LEKR1: variants seen among roughly 807,000 people sequenced by gnomAD.
LEKR1 encodes the protein protein LEKR1.
Under a neutral mutation model 72.4 loss-of-function variants are expected in LEKR1, and 59 were observed. The ratio of observed to expected loss-of-function variants is 0.82; its 90% CI spans 0.66 to 1.01. The LOEUF is 1.01. Among genes scored for constraint, LEKR1 ranks in the 50% least tolerant of loss-of-function variants. LEKR1 has a pLI of 0.00. For missense variants in LEKR1, 728 were observed against 759.2 expected, an observed-to-expected ratio of 0.96 and a Z score of 0.48; for synonymous variants, 257 against 263.2, an observed-to-expected ratio of 0.98 and a Z score of 0.23.
At chr3:156,890,185 T>G (rs935597027) in intron 3 of LEKR1, among the ~76,000 whole-genome samples, 26 of 152,362 alleles carry the variant, frequency 1.7e-4, no homozygotes, top group Admixed American at 1.6e-3. Flanking sequence ...ATTATTTGTA[T>G]AAAAGTTTTC....
chr3:156,844,489 T>A (rs1714324335), intron 2 of LEKR1, among the ~76,000 whole-genome samples: 1 of 152,150 alleles, frequency 6.6e-6, no homozygotes, highest in South Asian at 2.1e-4. Context: ...CATGTTGTCC[T>A]TTTATCACCA....
intron 3 of LEKR1, among the ~76,000 whole-genome samples, chr3:156,894,474 G>A (rs75683041): frequency 0.032 from 4,844 of 152,218 alleles, 117 homozygotes; most frequent in Non-Finnish European, 0.047. Flanking sequence ...GCATAGTGCT[G>A]TAGTCTGAAT....
chr3:157,044,829 G>T (rs747099785), intron 12 of LEKR1, among the ~76,000 whole-genome samples: 1 of 152,040 alleles, frequency 6.6e-6, no homozygotes, highest in Non-Finnish European at 1.5e-5. Flanking sequence ...TTGTTTCAAC[G>T]CTATAGCTGA....
chr3:156,946,836 A>G (rs1726726031), intron 6 of LEKR1, among the ~76,000 whole-genome samples: 2 of 151,198 alleles, frequency 1.3e-5, no homozygotes, highest in African/African-American at 4.8e-5. Flanking sequence ...TAGATTGTAT[A>G]TATCTAGGAA....
chr3:156,928,809 C>T (rs949374993), intron 5 of LEKR1, among the ~76,000 whole-genome samples: 1 of 152,008 alleles, frequency 6.6e-6, no homozygotes, highest in Admixed American at 6.6e-5. Flanking sequence ...CTATGAGAAA[C>T]AGATTTAACA....
intron 4 of LEKR1, among the ~76,000 whole-genome samples, chr3:156,921,304 T>A (rs920493966): frequency 3.3e-5 from 5 of 152,122 alleles, no homozygotes; most frequent in Admixed American, 3.3e-4. Flanking sequence ...AATAAGTTAA[T>A]TCAACATGGC....
At position 157,045,766 on chromosome 3, in the gene LEKR1, A is replaced by T. The variant is rs773501863; in HGVS notation, c.*16A>T. ...TCAGCAATGATCCAAAATGAGGAGCAGGAAGCTCCCTACAGCGTGCACGCT... is the reference window on the plus strand; with the variant it reads ...TCAGCAATGATCCAAAATGAGGAGCTGGAAGCTCCCTACAGCGTGCACGCT... On this transcript the variant is annotated 3_prime_UTR_variant, in exon 13 of 13. Coordinates refer to ENST00000356539, the MANE Select transcript of LEKR1 (RefSeq NM_001004316.3). 3.1e-6 allele frequency: 5 copies of T among 1,601,072 alleles called. No individual in the cohort carries two copies. Among genetic ancestry groups the T allele is most frequent in the Non-Finnish European group, 4.2e-6 (5 of 1,177,316 alleles).
intron 3 of LEKR1, among the ~76,000 whole-genome samples, chr3:156,917,059 AAAG>A (rs1723725725): frequency 6.6e-6 from 1 of 152,178 alleles, no homozygotes; most frequent in Non-Finnish European, 1.5e-5. Flanking sequence ...TGATATCCTC[AAAG>A]AAATACAAAT....
chr3:156,874,146 G>A (rs1192694945), intron 3 of LEKR1, among the ~76,000 whole-genome samples: 1 of 151,752 alleles, frequency 6.6e-6, no homozygotes, highest in Non-Finnish European at 1.5e-5. Context: ...TATTATTTAA[G>A]CTTTCAAATA....
At chr3:156,866,488 TTGA>T (rs1717320457) in intron 3 of LEKR1, among the ~76,000 whole-genome samples, 1 of 152,102 alleles carries the variant, frequency 6.6e-6, no homozygotes, top group African/African-American at 2.4e-5. Flanking sequence ...TTCTTAGTCG[TTGA>T]TGATATCTTG....
chr3:156,936,375 C>G (rs1341222996), intron 5 of LEKR1, among the ~76,000 whole-genome samples: 2 of 151,398 alleles, frequency 1.3e-5, no homozygotes, highest in African/African-American at 2.4e-5. Flanking sequence ...TATCCTGACT[C>G]TGCCACTTAA....
chr3:156,891,647 T>G (rs1445169368), intron 3 of LEKR1, among the ~76,000 whole-genome samples: 1 of 152,144 alleles, frequency 6.6e-6, no homozygotes, highest in Non-Finnish European at 1.5e-5. Context: ...ATAGCTTACT[T>G]GAAGGGACTG....
At chr3:157,041,381 A>G (rs535865073) in intron 12 of LEKR1, among the ~76,000 whole-genome samples, 1 of 152,250 alleles carries the variant, frequency 6.6e-6, no homozygotes, top group Non-Finnish European at 1.5e-5. Context: ...TCTTCCTTTC[A>G]TGCAGATTTG....
chr3:156,972,240 G>A (rs2107993174), intron 6 of LEKR1, among the ~76,000 whole-genome samples: 1 of 150,964 alleles, frequency 6.6e-6, no homozygotes, highest in Middle Eastern at 3.4e-3. Context: ...CTATCACAAG[G>A]ACAAAAAACC....
intron 3 of LEKR1, among the ~76,000 whole-genome samples, chr3:156,912,185 T>C (rs990513955): frequency 3.3e-5 from 5 of 152,162 alleles, no homozygotes; most frequent in Non-Finnish European, 5.9e-5. Flanking sequence ...TGGCTTTGGG[T>C]TACATAAATA....
rs1167425070 is a variant in LEKR1 at position 157,018,894 on chromosome 3, C to T, written c.1204-5866C>T. 2.6e-5 allele frequency among the ~76,000 whole-genome samples: 4 copies of T among 152,190 alleles called. 1 individual carries two copies. In the Middle Eastern group the frequency reaches 9.5e-3, roughly 361 times the overall value. On this transcript the variant is annotated intron_variant, in intron 10 of 12. Transcript: ENST00000356539. Reference sequence around the variant, plus strand: ...CTCAGTGAACATTCTCTCCTTCCAACCTAAGTTCACATAGTTCTTGACAGG... The same window carrying T: ...CTCAGTGAACATTCTCTCCTTCCAATCTAAGTTCACATAGTTCTTGACAGG...
At chr3:156,828,562 A>G (rs967155196) in intron 1 of LEKR1, among the ~76,000 whole-genome samples, 2 of 152,056 alleles carry the variant, frequency 1.3e-5, no homozygotes, top group South Asian at 2.1e-4. Flanking sequence ...ATGTATAAAC[A>G]GCCCTTACTC....
intron 3 of LEKR1, among the ~76,000 whole-genome samples, chr3:156,900,917 C>G (rs1721966631): frequency 6.6e-6 from 1 of 152,184 alleles, no homozygotes; most frequent in Middle Eastern, 3.4e-3. Context: ...TAACGAAACT[C>G]TTTGAATGAT....
intron 6 of LEKR1, among the ~76,000 whole-genome samples, chr3:156,966,262 G>A (rs1397422538): frequency 6.6e-6 from 1 of 152,054 alleles, no homozygotes; most frequent in Non-Finnish European, 1.5e-5. Flanking sequence ...ATCTCACTGG[G>A]GAGTGTTGGA....
Sources: allele counts gnomAD v4.1 joint callset (sites outside exome capture counted in the v4.1 genomes callset), GRCh38; gene constraint gnomAD v4.1.1; transcripts MANE v1.5; gene names NCBI Gene and HGNC (gene_info 2026-07-23, HGNC 2026-07-21).